The following SSBP3 variants were observed in gnomAD, a reference collection of about 807,000 sequenced individuals.
The protein encoded by SSBP3 is single-stranded DNA-binding protein 3.
Under a neutral mutation model 69.6 loss-of-function variants are expected in SSBP3, and 5 were observed. The ratio of observed to expected loss-of-function variants is 0.07; its 90% CI spans 0.04 to 0.15. The LOEUF (loss-of-function observed/expected upper bound fraction) is 0.15. Ranked by LOEUF, SSBP3 falls within the 10% of genes least tolerant of loss-of-function variation. SSBP3 has a pLI of 1.00. For synonymous variants in SSBP3, 196 were observed against 193.4 expected, an observed-to-expected ratio of 1.01 and a Z score of -0.11; for missense variants, 312 against 534.0, an observed-to-expected ratio of 0.58 and a Z score of 4.10.
chr1:54,241,389 A>G (rs1329173005), intron 12 of SSBP3, 85 bp downstream of exon 12: 2 of 1,433,438 alleles, frequency 1.4e-6, no homozygotes, highest in Non-Finnish European at 2.0e-6. Context: ...TGTGAAAGGG[A>G]AAGAAACGGG....
At chr1:54,267,958 C>T (rs1645129623) in intron 5 of SSBP3, among the ~76,000 whole-genome samples, 1 of 152,242 alleles carries the variant, frequency 6.6e-6, no homozygotes, top group Admixed American at 6.5e-5. Context: ...CCTCAAACTC[C>T]TGAGCTCAAG....
rs539608477 is a variant in SSBP3, at chr1:54,353,744, G to A, written c.276+48117C>T. 9.8e-5 allele frequency among the ~76,000 whole-genome samples: 15 copies of A among 152,318 alleles called. No homozygotes were observed. The South Asian group carries it at 2.9e-3, about 29-fold the overall frequency. On this transcript the variant is annotated intron_variant, in intron 4 of 17. Coordinates refer to ENST00000610401, the Ensembl canonical transcript of SSBP3. ...GGAGTGGCATTCAGCAAACCCTGTG[G>A]AACTACACTGAATGGGGCAAAATTC...
chr1:54,352,300 T>G (rs530171005), intron 4 of SSBP3, among the ~76,000 whole-genome samples: 1 of 152,216 alleles, frequency 6.6e-6, no homozygotes, highest in East Asian at 1.9e-4. Context: ...TAGAACTGAT[T>G]CAAGTCCTAC....
exon 18 of SSBP3, chr1:54,225,672 C>A: frequency 4.2e-6 from 1 of 239,756 alleles, no homozygotes; most frequent in Non-Finnish European, 7.9e-6. Context: ...CAAAGACCAG[C>A]TACAGGGGAG....
At chr1:54,322,116 A>G (rs1436895085) in intron 4 of SSBP3, among the ~76,000 whole-genome samples, 1 of 152,172 alleles carries the variant, frequency 6.6e-6, no homozygotes, top group Non-Finnish European at 1.5e-5. Context: ...GTCATTTATG[A>G]CACCACTGTA....
At chr1:54,356,107 C>T (rs1646858668) in intron 4 of SSBP3, among the ~76,000 whole-genome samples, 1 of 152,180 alleles carries the variant, frequency 6.6e-6, no homozygotes, top group African/African-American at 2.4e-5. Flanking sequence ...GATTAGAAGG[C>T]CTGTTGCTAC....
chr1:54,305,637 G>A (rs60794993), intron 4 of SSBP3, among the ~76,000 whole-genome samples: 14,198 of 138,800 alleles, frequency 0.1, 965 homozygotes, highest in African/African-American at 0.2. Flanking sequence ...AAAAAAAAGA[G>A]AGAGAGAGAG....
At chr1:54,259,914 C>T (rs988829515) in intron 5 of SSBP3, among the ~76,000 whole-genome samples, 3 of 152,212 alleles carry the variant, frequency 2.0e-5, no homozygotes, top group African/African-American at 7.2e-5. Context: ...TGGTTTGTTA[C>T]CATGAGCAAT....
intron 4 of SSBP3, among the ~76,000 whole-genome samples, chr1:54,299,839 T>C (rs1426837149): frequency 6.6e-6 from 1 of 152,170 alleles, no homozygotes; most frequent in Non-Finnish European, 1.5e-5. Context: ...ACCTGAGGAT[T>C]TTCTGCTCCT....
chr1:54,393,338 G>A (rs1443554229), intron 4 of SSBP3, among the ~76,000 whole-genome samples: 1 of 152,180 alleles, frequency 6.6e-6, no homozygotes, highest in African/African-American at 2.4e-5. Flanking sequence ...GGGATCCAGA[G>A]AGCTGATCAA....
chr1:54,253,920 G>C (rs1344377518), intron 7 of SSBP3, among the ~76,000 whole-genome samples: 3 of 152,220 alleles, frequency 2.0e-5, no homozygotes, highest in South Asian at 4.1e-4. Context: ...CTATGTGTCG[G>C]AACTCCAGGA....
At chr1:54,238,445 G>A (rs1217100057) in intron 14 of SSBP3, 5 of 395,782 alleles carry the variant, frequency 1.3e-5, no homozygotes, top group African/African-American at 2.1e-5. Flanking sequence ...TAGAATGGAA[G>A]GGTTGCCTGT....
intron 4 of SSBP3, among the ~76,000 whole-genome samples, chr1:54,288,400 C>T (rs973292593): frequency 2.6e-5 from 4 of 152,254 alleles, no homozygotes; most frequent in Non-Finnish European, 5.9e-5. Context: ...AAAAGGGCCA[C>T]GTATAGACAA....
chr1:54,258,646 T>G lies in SSBP3; in HGVS notation c.367-497A>C, dbSNP rs368796518. On this transcript the variant is annotated intron_variant, in intron 5 of 17. Coordinates refer to ENST00000610401, the Ensembl canonical transcript of SSBP3. This position sits in a 1 kb window ranked among gnomAD's most constrained non-coding sequence, Gnocchi z 4.5. ...CACGGCTATGGGTGACTCGAGGCAG[T>G]ACTGATCAAGTGTCAGGGAGAGGCC... Among the ~76,000 whole-genome samples the G allele has an allele frequency of 3.0e-4, 46 of 152,122 alleles. 1 individual carries two copies. In the South Asian group the frequency reaches 5.8e-3, roughly 19 times the overall value.
At chr1:54,407,812 C>T (rs1211440462), upstream of SSBP3, among the ~76,000 whole-genome samples, 1 of 148,962 alleles carries the variant, frequency 6.7e-6, no homozygotes. Context: ...TAACGCCCCT[C>T]CCCCTAACAT....
intron 4 of SSBP3, among the ~76,000 whole-genome samples, chr1:54,374,034 G>A (rs1280182402): frequency 2.0e-5 from 3 of 152,192 alleles, no homozygotes; most frequent in Admixed American, 6.5e-5. Context: ...CTCCAGAGCC[G>A]TGCACAAGGA....
At chr1:54,383,810 T>C (rs1049876632) in intron 4 of SSBP3, among the ~76,000 whole-genome samples, 4 of 151,854 alleles carry the variant, frequency 2.6e-5, no homozygotes, top group African/African-American at 7.3e-5. Flanking sequence ...GCCCCCTTTA[T>C]AAAAAGCAAG....
At chr1:54,243,446 TG>T in intron 9 of SSBP3, 147 bp from the exon 10 acceptor site, 1 of 957,144 alleles carries the variant, frequency 1.0e-6, no homozygotes, top group Non-Finnish European at 1.6e-6. Context: ...TCAAAAACGG[TG>T]GGGCGGGTGG....
rs774856163 is a variant in SSBP3, at chr1:54,257,102, G to C, written c.507+25C>G. 6 of 1,594,696 alleles carry C rather than the reference G, an allele frequency of 3.8e-6. No homozygotes were observed. The Admixed American group carries it at 8.9e-5, about 24-fold the overall frequency. Reference sequence around the variant, plus strand: ...GGCCAAGGATGGCTGAGGGAGGGGAGAGAGAACATGAAAAGGTACAGTACC... The same window carrying C: ...GGCCAAGGATGGCTGAGGGAGGGGACAGAGAACATGAAAAGGTACAGTACC... On this transcript the variant is annotated intron_variant, in intron 7 of 17. Transcript: ENST00000610401.
Sources: gnomAD v4.1 joint callset for allele counts (sites outside exome capture counted in the v4.1 genomes callset) on GRCh38, gnomAD v4.1.1 for gene constraint, Gnocchi (gnomAD v3.1) non-coding constraint, MANE v1.5 for transcripts, NCBI Gene and HGNC (gene_info 2026-07-23, HGNC 2026-07-21) for gene names.